APLF: variants seen among roughly 807,000 people sequenced by gnomAD.
APLF encodes aprataxin and PNKP like factor, also known as aprataxin and PNK-like factor.
In APLF, 61 loss-of-function variants were observed where a neutral mutation model predicts 55.6. The observed-to-expected ratio is 1.10, with a 90% confidence interval of 0.89 to 1.36. The LOEUF is 1.36. Ranked by LOEUF, APLF falls within the 40% of genes most tolerant of loss-of-function variation. The probability of loss-of-function intolerance (pLI) is 0.00; values close to 1 mark genes in which losing one functional copy is unlikely to be tolerated. For synonymous variants in APLF, 207 were observed against 214.8 expected, an observed-to-expected ratio of 0.96 and a Z score of 0.32; for missense variants, 611 against 602.5, an observed-to-expected ratio of 1.01 and a Z score of -0.15.
At chr2:68,540,903 A>G (rs529872189) in intron 7 of APLF, among the ~76,000 whole-genome samples, 1 of 152,308 alleles carries the variant, frequency 6.6e-6, no homozygotes, top group East Asian at 1.9e-4. Flanking sequence ...GACCAGATAG[A>G]AAGCCTTATT....
chr2:68,513,639 A>G lies in APLF; in HGVS notation c.581A>G (p.His194Arg). Reference protein sequence around the residue: ...RILPTWMLAEHLSDQNLSVPA... With the variant: ...RILPTWMLAERLSDQNLSVPA... ...CTTCCAACTTGGATGTTAGCAGAAC[A>G]TTTAAGTGATCAAAACCTTTCAGTA... Residue 194 changes from histidine to arginine, a missense_variant, in exon 5 of 10, where the codon CAT becomes CGT. By Grantham distance (29) the His-to-Arg change is conservative. Coordinates refer to ENST00000303795, the MANE Select transcript of APLF (RefSeq NM_173545.3). The G allele has an allele frequency of 1.9e-6, 3 of 1,611,474 alleles. No homozygotes were observed. Among genetic ancestry groups the G allele is most frequent in the Non-Finnish European group, 2.5e-6 (3 of 1,178,244 alleles).
intron 5 of APLF, among the ~76,000 whole-genome samples, chr2:68,518,448 A>AT (rs1288514794): frequency 9.2e-6 from 1 of 109,136 alleles, no homozygotes; most frequent in East Asian, 2.5e-4. Flanking sequence ...ATATAATAAT[A>AT]TATTATATAT....
rs142458317 is a variant in APLF at position 68,520,496 on chromosome 2, G to A, written c.623-5565G>A. ...CATACTGAGTTGATTTTTGTATAAG[G>A]TGAGAGATGAGGATCCAGTTTCATT... On this transcript the variant is annotated intron_variant, in intron 5 of 9. Transcript: ENST00000303795. Among the ~76,000 whole-genome samples the A allele has an allele frequency of 4.8e-3, 727 of 152,056 alleles. 9 individuals carry two copies. Among genetic ancestry groups the A allele is most frequent in the African/African-American group, 0.016 (680 of 41,512 alleles).
At chr2:68,571,322 G>T (rs1026307386) in intron 9 of APLF, among the ~76,000 whole-genome samples, 27 of 152,104 alleles carry the variant, frequency 1.8e-4, no homozygotes, top group East Asian at 7.7e-4. Context: ...GTCAATTTTG[G>T]CTTTTGTTGC....
At chr2:68,556,608 A>G (rs79748056) in intron 8 of APLF, among the ~76,000 whole-genome samples, 315 of 152,302 alleles carry the variant, frequency 2.1e-3, no homozygotes, top group African/African-American at 7.3e-3. Context: ...TTAAGCACTT[A>G]TCTTAGAATA....
intron 1 of APLF, among the ~76,000 whole-genome samples, chr2:68,476,601 T>C (rs921901938): frequency 6.6e-6 from 1 of 152,110 alleles, no homozygotes. Context: ...TTCTTTCATG[T>C]ATTTAATCTG....
chr2:68,530,351 C>G (rs1026275494), intron 6 of APLF, among the ~76,000 whole-genome samples: 1 of 152,192 alleles, frequency 6.6e-6, no homozygotes, highest in Non-Finnish European at 1.5e-5. Flanking sequence ...ATGGCATGCT[C>G]TGGGCTCCAG....
At chr2:68,476,139 G>A (rs1675764584) in intron 1 of APLF, among the ~76,000 whole-genome samples, 1 of 151,646 alleles carries the variant, frequency 6.6e-6, no homozygotes, top group Non-Finnish European at 1.5e-5. Context: ...GTGAAGTATT[G>A]TGTAAAGTAA....
At chr2:68,518,598 T>C (rs1669745384) in intron 5 of APLF, among the ~76,000 whole-genome samples, 1 of 120,326 alleles carries the variant, frequency 8.3e-6, no homozygotes, top group South Asian at 2.4e-4. Flanking sequence ...ATCATGAATA[T>C]ATAATATATC....
At chr2:68,536,499 A>G (rs1325927059) in intron 6 of APLF, among the ~76,000 whole-genome samples, 1 of 152,182 alleles carries the variant, frequency 6.6e-6, no homozygotes, top group East Asian at 1.9e-4. Context: ...TGTTGTTATC[A>G]CATCCTAGAA....
chr2:68,510,217 TA>T (rs958192137), intron 3 of APLF, among the ~76,000 whole-genome samples: 5 of 151,082 alleles, frequency 3.3e-5, no homozygotes, highest in African/African-American at 1.2e-4. Flanking sequence ...TAAAGTATAA[TA>T]AAAAAATAAT....
intron 3 of APLF, 38 bp downstream of exon 3, chr2:68,502,941 T>G (rs1185060510): frequency 6.4e-7 from 1 of 1,566,428 alleles, no homozygotes; most frequent in Non-Finnish European, 8.6e-7. Context: ...AATGTTATTT[T>G]TAATCTAATT....
rs139597877 is a variant in APLF at position 68,484,159 on chromosome 2, A to G, written c.97-6031A>G. Among the ~76,000 whole-genome samples, 34 of 144,086 alleles carry G rather than the reference A, an allele frequency of 2.4e-4. No individual in the cohort carries two copies. The East Asian group carries it at 5.2e-3, about 22-fold the overall frequency. The allele number at this position is 144,086 out of a possible 152,430, so 94.5% of individuals were successfully genotyped here. On this transcript the variant is annotated intron_variant, in intron 1 of 9. Transcript: ENST00000303795. ...TTGACTTCAATAAATACCAAAAATA[A>G]GTATTTGGTAACAGATCATAAAGAG...
chr2:68,560,079 A>T (rs139914844), intron 8 of APLF, among the ~76,000 whole-genome samples: 1 of 152,208 alleles, frequency 6.6e-6, no homozygotes, highest in Admixed American at 6.6e-5. Context: ...TCCTTCAGAT[A>T]TGTGTGTGAT....
At chr2:68,517,866 T>A (rs1309078500) in intron 5 of APLF, among the ~76,000 whole-genome samples, 2 of 144,872 alleles carry the variant, frequency 1.4e-5, no homozygotes, top group Non-Finnish European at 3.0e-5. Context: ...TGTGTTAATA[T>A]ATAGCAGTAA....
At chr2:68,553,970 T>A (rs1203255189) in intron 8 of APLF, among the ~76,000 whole-genome samples, 1 of 152,110 alleles carries the variant, frequency 6.6e-6, no homozygotes, top group African/African-American at 2.4e-5. Flanking sequence ...AGTTTCCTTT[T>A]TTATACACCT....
intron 9 of APLF, among the ~76,000 whole-genome samples, chr2:68,574,348 A>G (rs970974982): frequency 4.6e-5 from 7 of 152,188 alleles, no homozygotes; most frequent in Non-Finnish European, 8.8e-5. Flanking sequence ...TGAATTTTCC[A>G]CAGTATAATC....
chr2:68,500,885 C>G (rs974697017), intron 2 of APLF, among the ~76,000 whole-genome samples: 2 of 152,194 alleles, frequency 1.3e-5, no homozygotes, highest in African/African-American at 4.8e-5. Flanking sequence ...CTCAAAAGCT[C>G]AACCTGCCAA....
chr2:68,511,634 T>C (rs1482408010), intron 3 of APLF, among the ~76,000 whole-genome samples: 1 of 151,726 alleles, frequency 6.6e-6, no homozygotes, highest in Non-Finnish European at 1.5e-5. Context: ...TGTTTCTTAA[T>C]ATTTTTCATG....
Sources: gnomAD v4.1 joint callset for allele counts (sites outside exome capture counted in the v4.1 genomes callset) on GRCh38, gnomAD v4.1.1 for gene constraint, MANE v1.5 for transcripts, NCBI Gene and HGNC (gene_info 2026-07-23, HGNC 2026-07-21) for gene names.